Variants in ANXA10 observed in about 807,000 individuals in gnomAD.
ANXA10 encodes the protein annexin A10, also known as annexin 14.
ANXA10 carries 49 observed loss-of-function variants against 53.5 expected under a neutral mutation model. That is an observed-to-expected ratio of 0.92 (90% CI 0.73 to 1.16). The LOEUF (loss-of-function observed/expected upper bound fraction) is 1.16, where lower values mean the gene tolerates loss of function less well. Ranked by LOEUF, ANXA10 falls within the 50% of genes most tolerant of loss-of-function variation. The pLI, the probability that ANXA10 is intolerant of heterozygous loss-of-function variation, is 0.00. For missense variants in ANXA10, 393 were observed against 394.4 expected (o/e 1.00, Z 0.03); for synonymous variants, 131 against 128.9 (o/e 1.02, Z -0.11).
chr4:168,095,539 T>C (rs1393225033), intron 1 of ANXA10, among the ~76,000 whole-genome samples: 2 of 152,096 alleles, frequency 1.3e-5, no homozygotes, highest in Non-Finnish European at 2.9e-5. Flanking sequence ...TTACTGTCTA[T>C]ATACATCATC....
chr4:168,092,745 GC>G (rs1437040316), intron 1 of ANXA10, 27 bp downstream of exon 1: 10 of 1,525,440 alleles, frequency 6.6e-6, no homozygotes, highest in African/African-American at 1.4e-5. Context: ...TTTCTGTAAA[GC>G]TTTTCACTCT....
intron 1 of ANXA10, among the ~76,000 whole-genome samples, chr4:168,098,437 C>T (rs527525458): frequency 5.1e-4 from 77 of 152,210 alleles, no homozygotes; most frequent in Admixed American, 4.5e-3. Context: ...CCACATCCGA[C>T]CCTTATCTAC....
At chr4:168,163,484 C>T (rs1578928077) in intron 4 of ANXA10, among the ~76,000 whole-genome samples, 1 of 106,090 alleles carries the variant, frequency 9.4e-6, no homozygotes, top group South Asian at 2.7e-4. Flanking sequence ...TGAATTTTAA[C>T]TAATCGCTTT....
chr4:168,098,151 C>CT (rs994749297), intron 1 of ANXA10, among the ~76,000 whole-genome samples: 5 of 151,296 alleles, frequency 3.3e-5, no homozygotes, highest in African/African-American at 9.7e-5. Flanking sequence ...ACTATATGTT[C>CT]TTTTTTTTAT....
intron 2 of ANXA10, among the ~76,000 whole-genome samples, chr4:168,128,739 C>T (rs558771032): frequency 1.3e-4 from 20 of 152,004 alleles, no homozygotes; most frequent in Non-Finnish European, 2.9e-4. Context: ...TCAGCTATGC[C>T]AACCCCCCAG....
At chr4:168,149,500 A>T (rs1243116508) in intron 3 of ANXA10, among the ~76,000 whole-genome samples, 1 of 152,050 alleles carries the variant, frequency 6.6e-6, no homozygotes, top group Non-Finnish European at 1.5e-5. Flanking sequence ...GTTATTAATG[A>T]TCTCAAATTC....
At chr4:168,156,129 T>C (rs1731656784) in intron 3 of ANXA10, among the ~76,000 whole-genome samples, 1 of 34,310 alleles carries the variant, frequency 2.9e-5, no homozygotes, top group South Asian at 7.9e-4. Flanking sequence ...TATATTTATA[T>C]ATATTATATA....
chr4:168,117,902 TACTC>T (rs747092943), intron 1 of ANXA10, among the ~76,000 whole-genome samples: 3,347 of 149,260 alleles, frequency 0.022, 104 homozygotes, highest in African/African-American at 0.069. Context: ...ACTCATACAA[TACTC>T]ACTCACTCAC....
rs759485778 is a variant in ANXA10 at position 168,153,437 on chromosome 4, A to AC, written c.196-9091_196-9090insC. On this transcript the variant is annotated intron_variant, in intron 3 of 11. Coordinates refer to ENST00000359299, the MANE Select transcript of ANXA10 (RefSeq NM_007193.5). ...AAGCCTAAAGCAAAAAAAAAAAAAA[A>AC]AAAACAAAAACAAAAACAAAACAAA... 3.5e-3 allele frequency among the ~76,000 whole-genome samples: 185 copies of AC among 53,304 alleles called. 3 individuals carry two copies. The highest frequency in any genetic ancestry group is 0.019 in the Admixed American group (107 of 5,616). The allele number at this position is 53,304 out of a possible 152,430, so 35.0% of individuals were successfully genotyped here. A position where few individuals can be genotyped will look rare whatever the true frequency, so the allele number is the denominator to read the frequency against.
At chr4:168,124,980 G>T (rs7683886) in intron 1 of ANXA10, among the ~76,000 whole-genome samples, 4,129 of 152,238 alleles carry the variant, frequency 0.027, 82 homozygotes, top group African/African-American at 0.05. Flanking sequence ...GAAAACTATT[G>T]TGAGGCTAGG....
chr4:168,149,031 T>C (rs1317685012), intron 3 of ANXA10, among the ~76,000 whole-genome samples: 2 of 152,158 alleles, frequency 1.3e-5, no homozygotes, highest in African/African-American at 4.8e-5. Flanking sequence ...GAGGTATTAT[T>C]TTGTTTGTTT....
intron 1 of ANXA10, among the ~76,000 whole-genome samples, chr4:168,114,383 C>T (rs1300643603): frequency 6.6e-6 from 1 of 152,154 alleles, no homozygotes; most frequent in Admixed American, 6.5e-5. Flanking sequence ...AAGCAATTCT[C>T]CCGACTCAGC....
Position 168,157,205 on chromosome 4 carries a change from T to C in ANXA10, c.196-5323T>C, listed in dbSNP as rs1731701218. 2.0e-5 allele frequency among the ~76,000 whole-genome samples: 3 copies of C among 152,170 alleles called. No homozygotes were observed. The South Asian group carries it at 6.2e-4, about 32-fold the overall frequency. On this transcript the variant is annotated intron_variant, in intron 3 of 11. Transcript: ENST00000359299. ...AATATTGAGTACAATTTCTATAAAA[T>C]AAACTTTATTTATGTTAATACAGTT...
At chr4:168,161,664 T>C (rs1446863138) in intron 3 of ANXA10, among the ~76,000 whole-genome samples, 2 of 152,200 alleles carry the variant, frequency 1.3e-5, no homozygotes, top group African/African-American at 4.8e-5. Flanking sequence ...AATATGGCCA[T>C]TTTCATGATA....
intron 3 of ANXA10, among the ~76,000 whole-genome samples, chr4:168,151,445 G>C (rs756089453): frequency 2.0e-5 from 3 of 152,126 alleles, no homozygotes; most frequent in Non-Finnish European, 4.4e-5. Flanking sequence ...CTGCAGCAAG[G>C]GTAGTCTGCA....
At chr4:168,137,969 T>C (rs1455741398) in intron 2 of ANXA10, among the ~76,000 whole-genome samples, 1 of 151,494 alleles carries the variant, frequency 6.6e-6, no homozygotes, top group Non-Finnish European at 1.5e-5. Context: ...CTTTTTTTTT[T>C]TTTTTTTCTT....
At chr4:168,147,999 T>A (rs2149473622) in intron 3 of ANXA10, among the ~76,000 whole-genome samples, 1 of 152,270 alleles carries the variant, frequency 6.6e-6, no homozygotes, top group East Asian at 1.9e-4. Flanking sequence ...ATCAAATGAA[T>A]TTCCAATGGT....
chr4:168,174,454 C>T (rs765085108), intron 6 of ANXA10, among the ~76,000 whole-genome samples: 1 of 152,184 alleles, frequency 6.6e-6, no homozygotes, highest in Non-Finnish European at 1.5e-5. Flanking sequence ...CATGCTCACT[C>T]GCTCACACAT....
chr4:168,101,358 A>G (rs754336236), intron 1 of ANXA10, among the ~76,000 whole-genome samples: 4 of 151,880 alleles, frequency 2.6e-5, no homozygotes, highest in Non-Finnish European at 5.9e-5. Context: ...TTTATAAATT[A>G]CCCAGCCTCA....
Sources: allele counts gnomAD v4.1 joint callset (sites outside exome capture counted in the v4.1 genomes callset), GRCh38; gene constraint gnomAD v4.1.1; transcripts MANE v1.5; gene names NCBI Gene and HGNC (gene_info 2026-07-23, HGNC 2026-07-21).